Variants in MAGI2 observed in about 807,000 individuals in gnomAD.
MAGI2 encodes membrane-associated guanylate kinase, WW and PDZ domain-containing protein 2.
A neutral mutation model predicts 133.3 loss-of-function variants in MAGI2; 35 were observed. That is an observed-to-expected ratio of 0.26 (90% confidence interval 0.20 to 0.35). The LOEUF (loss-of-function observed/expected upper bound fraction) is 0.35. Ranked by LOEUF, MAGI2 falls within the 10% of genes least tolerant of loss-of-function variation. The pLI is 1.00. For missense variants in MAGI2, 1,636 were observed against 1,863.4 expected, an observed-to-expected ratio of 0.88 and a Z score of 2.25; for synonymous variants, 729 against 710.6, an observed-to-expected ratio of 1.03 and a Z score of -0.41.
intron 1 of MAGI2, among the ~76,000 whole-genome samples, chr7:79,189,581 C>A (rs1248188440): frequency 2.6e-5 from 4 of 151,690 alleles, no homozygotes; most frequent in Non-Finnish European, 5.9e-5. Context: ...TAACAACTTG[C>A]AATATGTTAT....
intron 2 of MAGI2, among the ~76,000 whole-genome samples, chr7:78,875,754 C>T (rs1179363695): frequency 4.6e-5 from 7 of 151,984 alleles, no homozygotes; most frequent in African/African-American, 1.7e-4. Context: ...AAAGTGCCTC[C>T]AAGTGAGCCT....
At chr7:78,920,027 T>C (rs1156646545) in intron 2 of MAGI2, among the ~76,000 whole-genome samples, 2 of 152,112 alleles carry the variant, frequency 1.3e-5, no homozygotes, top group African/African-American at 4.8e-5. Flanking sequence ...TTCCATTGCT[T>C]CCAACATTGG....
At chr7:78,426,231 G>T (rs1019834676) in intron 6 of MAGI2, among the ~76,000 whole-genome samples, 2 of 152,024 alleles carry the variant, frequency 1.3e-5, no homozygotes, top group African/African-American at 2.4e-5. Context: ...GAATAAAAAG[G>T]GCCAATGAAT....
At chr7:78,745,018 C>T (rs530004985) in intron 2 of MAGI2, among the ~76,000 whole-genome samples, 9 of 152,258 alleles carry the variant, frequency 5.9e-5, no homozygotes, top group East Asian at 3.9e-4. Flanking sequence ...GATTATTCAA[C>T]GCTACAGCAC....
At chr7:79,323,394 T>A (rs920913353) in intron 1 of MAGI2, among the ~76,000 whole-genome samples, 3 of 152,246 alleles carry the variant, frequency 2.0e-5, no homozygotes, top group Admixed American at 2.0e-4. Context: ...TCAGGAGCAA[T>A]GTCTTACAGA....
intron 2 of MAGI2, among the ~76,000 whole-genome samples, chr7:78,876,321 C>CAAAAAAAAAAAA (rs57950337): frequency 6.5e-4 from 52 of 79,664 alleles, no homozygotes; most frequent in African/African-American, 2.0e-3. Flanking sequence ...GACTCCGTCT[C>CAAAAAAAAAAAA]AAAAAAAAAA....
intron 1 of MAGI2, among the ~76,000 whole-genome samples, chr7:79,386,770 G>A (rs907859569): frequency 2.0e-5 from 3 of 152,016 alleles, no homozygotes; most frequent in Non-Finnish European, 4.4e-5. Flanking sequence ...GTATTAAAAG[G>A]TGGTGCCTTT....
chr7:78,719,997 T>C (rs1437502862), intron 2 of MAGI2, among the ~76,000 whole-genome samples: 4 of 152,202 alleles, frequency 2.6e-5, no homozygotes. Flanking sequence ...TTTCATTAAC[T>C]ATGAACTCAT....
chr7:79,299,554 C>CAAAAAAA (rs57740248), intron 1 of MAGI2, among the ~76,000 whole-genome samples: 3,215 of 84,480 alleles, frequency 0.038, 793 homozygotes, highest in Non-Finnish European at 0.043. Flanking sequence ...GACTCCATCT[C>CAAAAAAA]AAAAAAAAAA....
At chr7:79,290,184 A>G (rs145915506) in intron 1 of MAGI2, among the ~76,000 whole-genome samples, 10 of 151,996 alleles carry the variant, frequency 6.6e-5, no homozygotes, top group Non-Finnish European at 1.5e-5. Context: ...TATTGTTATT[A>G]TTGGTTACAA....
intron 1 of MAGI2, among the ~76,000 whole-genome samples, chr7:79,395,175 A>T (rs1035716034): frequency 6.6e-6 from 1 of 152,210 alleles, no homozygotes; most frequent in Admixed American, 6.5e-5. Context: ...ATTAGAAAAG[A>T]TCATATTTTC....
intron 1 of MAGI2, among the ~76,000 whole-genome samples, chr7:79,281,755 G>A (rs1835659335): frequency 6.6e-6 from 1 of 152,048 alleles, no homozygotes; most frequent in Non-Finnish European, 1.5e-5. Context: ...ATCTTCAATA[G>A]ATCCATGGCA....
intron 10 of MAGI2, among the ~76,000 whole-genome samples, chr7:78,215,748 G>A (rs1788208201): frequency 1.3e-5 from 2 of 152,130 alleles, no homozygotes; most frequent in South Asian, 4.2e-4. Flanking sequence ...GCACTGTTTT[G>A]CCACTCTGTT....
At chr7:78,617,958 G>T (rs1465383139) in intron 3 of MAGI2, 4 of 151,974 alleles carry the variant, frequency 2.6e-5, no homozygotes, top group Admixed American at 6.6e-5. Context: ...GAATATAGAA[G>T]ATATAAGGAA....
chr7:78,190,124 T>C (rs1828063177), intron 12 of MAGI2, among the ~76,000 whole-genome samples: 1 of 152,206 alleles, frequency 6.6e-6, no homozygotes, highest in Admixed American at 6.5e-5. Context: ...GAAAGAAGAC[T>C]CCATGGCATA....
At chr7:78,783,212 A>G (rs1217191241) in intron 2 of MAGI2, among the ~76,000 whole-genome samples, 1 of 152,034 alleles carries the variant, frequency 6.6e-6, no homozygotes, top group Non-Finnish European at 1.5e-5. Flanking sequence ...TCAAGATAAA[A>G]TCCTCAAGGT....
chr7:79,280,993 G>C (rs1196868452), intron 1 of MAGI2, among the ~76,000 whole-genome samples: 1 of 131,754 alleles, frequency 7.6e-6, no homozygotes, highest in Non-Finnish European at 1.6e-5. Context: ...CCTGCAGAAT[G>C]AATTTTCCAA....
chr7:78,051,669 C>A (rs111879172), intron 21 of MAGI2, among the ~76,000 whole-genome samples: 14,729 of 152,208 alleles, frequency 0.097, 784 homozygotes, highest in African/African-American at 0.11. Context: ...ACTGCAACCT[C>A]TGCCTCCTGT....
chr7:78,471,058 C>T (rs924928849), intron 6 of MAGI2, among the ~76,000 whole-genome samples: 1 of 152,046 alleles, frequency 6.6e-6, no homozygotes, highest in African/African-American at 2.4e-5. Context: ...ATGTATGTTT[C>T]TCATGGCCAA....
Sources: allele counts gnomAD v4.1 joint callset (sites outside exome capture counted in the v4.1 genomes callset), GRCh38; gene constraint gnomAD v4.1.1; transcripts MANE v1.5; gene names NCBI Gene and HGNC (gene_info 2026-07-23, HGNC 2026-07-21).